The following HTR7 variants were observed in gnomAD, a reference collection of about 807,000 sequenced individuals.
HTR7 encodes the protein 5-hydroxytryptamine receptor 7, also known as 5-HT-7.
A neutral mutation model predicts 34.0 loss-of-function variants in HTR7; 16 were observed. The ratio of observed to expected loss-of-function variants is 0.47; its 90% CI spans 0.32 to 0.71. The LOEUF (loss-of-function observed/expected upper bound fraction) is 0.71. Ranked by LOEUF, HTR7 falls within the 30% of genes least tolerant of loss-of-function variation. The pLI, the probability that HTR7 is intolerant of heterozygous loss-of-function variation, is 0.04. For synonymous variants in HTR7, 265 were observed against 260.2 expected (o/e 1.02, Z -0.18); for missense variants, 504 against 625.5 (o/e 0.81, Z 2.07).
rs569204893 is a variant in HTR7 at position 90,745,441 on chromosome 10, C to A, written c.1296-1751G>T. On this transcript the variant is annotated intron_variant, in intron 2 of 3. Coordinates refer to ENST00000336152, the MANE Select transcript of HTR7 (RefSeq NM_019859.4). ...AAGAATCCACATTTTCATAGTATTG[C>A]ATTGGGAATTTGGTTTCAAAATATG... Among the ~76,000 whole-genome samples the A allele has an allele frequency of 2.6e-5, 4 of 152,276 alleles. No individual in the cohort carries two copies. In the East Asian group the frequency reaches 7.7e-4, roughly 29 times the overall value.
At chr10:90,787,278 A>T (rs1845394448) in intron 1 of HTR7, among the ~76,000 whole-genome samples, 1 of 152,190 alleles carries the variant, frequency 6.6e-6, no homozygotes, top group Admixed American at 6.5e-5. Flanking sequence ...TCACAAGGTC[A>T]GGAGTTCAAG....
chr10:90,743,722 T>A (rs1844590539), intron 2 of HTR7, 32 bp from the exon 3 acceptor site: 2 of 1,484,442 alleles, frequency 1.3e-6, no homozygotes, highest in African/African-American at 1.4e-5. Context: ...AGCAAATCCA[T>A]AAGTAAATCA....
At chr10:90,785,535 A>C (rs1039872478) in intron 1 of HTR7, among the ~76,000 whole-genome samples, 1 of 151,842 alleles carries the variant, frequency 6.6e-6, no homozygotes, top group Non-Finnish European at 1.5e-5. Flanking sequence ...AGACACACAC[A>C]CTTCTCCATA....
At chr10:90,758,546 TA>T (rs1844876221) in intron 1 of HTR7, among the ~76,000 whole-genome samples, 1 of 151,974 alleles carries the variant, frequency 6.6e-6, no homozygotes, top group Non-Finnish European at 1.5e-5. Context: ...TGAAGAAAAG[TA>T]CCTAACAAGT....
intron 1 of HTR7, among the ~76,000 whole-genome samples, chr10:90,783,844 C>T (rs1403698126): frequency 6.6e-6 from 1 of 152,168 alleles, no homozygotes; most frequent in Non-Finnish European, 1.5e-5. Flanking sequence ...CCTGGGTCTT[C>T]TTTTCTCATG....
At chr10:90,760,250 G>C (rs963554236) in intron 1 of HTR7, among the ~76,000 whole-genome samples, 2 of 152,114 alleles carry the variant, frequency 1.3e-5, no homozygotes, top group Non-Finnish European at 2.9e-5. Flanking sequence ...AAATAAGCCA[G>C]GTACAGAAAG....
At chr10:90,845,205 G>A (rs1013578372) in intron 1 of HTR7, among the ~76,000 whole-genome samples, 1 of 152,194 alleles carries the variant, frequency 6.6e-6, no homozygotes, top group East Asian at 1.9e-4. Flanking sequence ...AACCTTGGAC[G>A]AGGAACAAGG....
chr10:90,780,559 A>G (rs1845292963), intron 1 of HTR7, among the ~76,000 whole-genome samples: 1 of 150,642 alleles, frequency 6.6e-6, no homozygotes, highest in South Asian at 2.1e-4. Context: ...AAAAAAATTC[A>G]AGAATGAAGC....
chr10:90,791,511 A>G (rs948570928), intron 1 of HTR7, among the ~76,000 whole-genome samples: 1 of 152,066 alleles, frequency 6.6e-6, no homozygotes, highest in African/African-American at 2.4e-5. Context: ...AAAATGTTCA[A>G]AAAAGATGAG....
intron 1 of HTR7, among the ~76,000 whole-genome samples, chr10:90,800,981 G>A (rs918981344): frequency 6.6e-6 from 1 of 152,130 alleles, no homozygotes; most frequent in Non-Finnish European, 1.5e-5. Flanking sequence ...TATCAGTGCT[G>A]GCAAGAGATT....
chr10:90,844,345 T>C (rs1846376799), intron 1 of HTR7, among the ~76,000 whole-genome samples: 2 of 152,122 alleles, frequency 1.3e-5, no homozygotes, highest in Admixed American at 1.3e-4. Flanking sequence ...GTATGGCCAG[T>C]GCTTTGGAAT....
rs546865150 is a variant in HTR7 at position 90,813,853 on chromosome 10, C to T, written c.539+43280G>A. On this transcript the variant is annotated intron_variant, in intron 1 of 3. Coordinates refer to ENST00000336152, the MANE Select transcript of HTR7 (RefSeq NM_019859.4). The stretch of plus-strand genomic sequence containing the variant: ...TTTGCCTAATAAGATTAGGGTGGGA[C>T]GACCAGCTTCCTCACCAGCTATGTA... 2.6e-5 allele frequency among the ~76,000 whole-genome samples: 4 copies of T among 152,258 alleles called. No homozygotes were observed. In the East Asian group the frequency reaches 5.8e-4, roughly 22 times the overall value.
intron 1 of HTR7, among the ~76,000 whole-genome samples, chr10:90,849,570 A>C (rs1846463534): frequency 1.3e-5 from 2 of 152,244 alleles, no homozygotes; most frequent in Admixed American, 1.3e-4. Flanking sequence ...AATGCAGTTC[A>C]AGATGTTGAG....
intron 1 of HTR7, among the ~76,000 whole-genome samples, chr10:90,845,970 T>C (rs1275622902): frequency 6.6e-6 from 1 of 152,202 alleles, no homozygotes; most frequent in Non-Finnish European, 1.5e-5. Context: ...CTTTTGCCTG[T>C]TCTCAAAATA....
At position 90,857,165 on chromosome 10, in the gene HTR7, C is replaced by G. The variant is rs1034877297; in HGVS notation, c.507G>C (p.Ser169=). 1 of 1,610,190 alleles carries G rather than the reference C, an allele frequency of 6.2e-7. No individual in the cohort carries two copies. The highest frequency in any genetic ancestry group is 8.5e-7 in the Non-Finnish European group (1 of 1,177,954). The change falls in exon 1 of 4, where the codon TCG becomes TCC. Residue 169 remains serine, a synonymous_variant. Coordinates refer to ENST00000336152, the MANE Select transcript of HTR7 (RefSeq NM_019859.4). This position sits in a 1 kb window ranked among gnomAD's most constrained non-coding sequence, Gnocchi z 6.5. ...TGCTGATCACGCACAGGGTCATGAT[C>G]GAGGCCGTGCAGCACATGACGTCCA... ...IAMDVMCCTA[S]IMTLCVISID... is the part of the protein sequence containing the mutation.
intron 1 of HTR7, among the ~76,000 whole-genome samples, chr10:90,813,282 G>A (rs1197974098): frequency 1.3e-5 from 2 of 152,170 alleles, no homozygotes; most frequent in African/African-American, 4.8e-5. Context: ...AGCACTTTGG[G>A]AGGCCGAGGC....
chr10:90,783,326 T>C (rs1444515740), intron 1 of HTR7, among the ~76,000 whole-genome samples: 3 of 152,208 alleles, frequency 2.0e-5, no homozygotes, highest in Non-Finnish European at 4.4e-5. Context: ...CCCTGGGTCA[T>C]GTTTTTAAAA....
At position 90,810,155 on chromosome 10, in the gene HTR7, G is replaced by A; in HGVS notation, c.539+46978C>T. Among the ~76,000 whole-genome samples, 3 of 152,076 alleles carry A rather than the reference G, an allele frequency of 2.0e-5. No homozygotes were observed. In the South Asian group the frequency reaches 6.2e-4, roughly 32 times the overall value. On this transcript the variant is annotated intron_variant, in intron 1 of 3. Coordinates refer to ENST00000336152, the MANE Select transcript of HTR7 (RefSeq NM_019859.4). ...ATACTCTTTTAAGCACTCCTTTTTAGTTATCCCCACCTGCCCAGTTCCCTT... is the reference window on the plus strand; with the variant it reads ...ATACTCTTTTAAGCACTCCTTTTTAATTATCCCCACCTGCCCAGTTCCCTT...
chr10:90,799,368 TG>T (rs1845590867), intron 1 of HTR7, among the ~76,000 whole-genome samples: 1 of 151,536 alleles, frequency 6.6e-6, no homozygotes, highest in Non-Finnish European at 1.5e-5. Context: ...AATGAATGAA[TG>T]AATGAATGAA....
Sources: gnomAD v4.1 joint callset for allele counts (sites outside exome capture counted in the v4.1 genomes callset) on GRCh38, gnomAD v4.1.1 for gene constraint, Gnocchi (gnomAD v3.1) non-coding constraint, MANE v1.5 for transcripts, NCBI Gene and HGNC (gene_info 2026-07-23, HGNC 2026-07-21) for gene names.